CFAP20DC: variants seen among roughly 807,000 people sequenced by gnomAD.
The protein encoded by CFAP20DC is CFAP20 domain containing.
Under a neutral mutation model 101.7 loss-of-function variants are expected in CFAP20DC, and 84 were observed. The ratio of observed to expected loss-of-function variants is 0.83; its 90% confidence interval spans 0.69 to 0.99. The LOEUF (loss-of-function observed/expected upper bound fraction) is 0.99, where lower values mean the gene tolerates loss of function less well. Among genes scored for constraint, CFAP20DC ranks in the 50% least tolerant of loss-of-function variants. CFAP20DC has a pLI of 0.00. For synonymous variants in CFAP20DC, 359 were observed against 351.2 expected (o/e 1.02, Z -0.25); for missense variants, 1,007 against 970.3 (o/e 1.04, Z -0.50).
chr3:59,012,270 C>T (rs865848517), intron 4 of CFAP20DC, among the ~76,000 whole-genome samples: 1 of 152,118 alleles, frequency 6.6e-6, no homozygotes, highest in South Asian at 2.1e-4. Context: ...AAAAAGGGTA[C>T]AGAAGTGAAA....
chr3:58,998,616 G>C (rs920683021), intron 4 of CFAP20DC, among the ~76,000 whole-genome samples: 2 of 151,752 alleles, frequency 1.3e-5, no homozygotes, highest in Non-Finnish European at 2.9e-5. Flanking sequence ...TCCTATCTTT[G>C]TGGAGGAGGA....
intron 3 of CFAP20DC, among the ~76,000 whole-genome samples, chr3:59,044,160 C>A (rs1481976750): frequency 1.3e-5 from 2 of 152,040 alleles, no homozygotes; most frequent in Admixed American, 1.3e-4. Context: ...AATAGGGTAC[C>A]TAATGTCAAG....
intron 7 of CFAP20DC, among the ~76,000 whole-genome samples, chr3:58,873,448 G>A (rs1292363052): frequency 4.6e-5 from 7 of 151,050 alleles, no homozygotes; most frequent in Non-Finnish European, 7.4e-5. Context: ...TCTGGATGCT[G>A]TAAGGCAGGT....
At chr3:58,938,490 T>C (rs775508876) in intron 4 of CFAP20DC, among the ~76,000 whole-genome samples, 1 of 152,224 alleles carries the variant, frequency 6.6e-6, no homozygotes, top group African/African-American at 2.4e-5. Context: ...CACTGCTATA[T>C]TATAGAATTG....
At chr3:58,790,882 G>C in intron 15 of CFAP20DC, among the ~76,000 whole-genome samples, 1 of 152,256 alleles carries the variant, frequency 6.6e-6, no homozygotes, top group Middle Eastern at 3.4e-3. Context: ...TGTGAGACTA[G>C]AGGAGAAAAC....
chr3:59,039,930 A>C (rs772291331), intron 3 of CFAP20DC, among the ~76,000 whole-genome samples: 3 of 152,076 alleles, frequency 2.0e-5, no homozygotes, highest in Non-Finnish European at 4.4e-5. Context: ...GAGAATGTAC[A>C]CATAGAACTG....
At chr3:58,932,775 A>G (rs928508052) in intron 5 of CFAP20DC, among the ~76,000 whole-genome samples, 20 of 152,248 alleles carry the variant, frequency 1.3e-4, no homozygotes, top group Non-Finnish European at 2.5e-4. Context: ...TGAAGGAAGC[A>G]CTAAACATGG....
At chr3:58,935,353 G>A (rs1576378924) in intron 5 of CFAP20DC, among the ~76,000 whole-genome samples, 1 of 151,972 alleles carries the variant, frequency 6.6e-6, no homozygotes, top group East Asian at 1.9e-4. Context: ...ACTGCCCAAG[G>A]TAATTTATAG....
chr3:58,985,315 T>G (rs2092714114), intron 4 of CFAP20DC, among the ~76,000 whole-genome samples: 1 of 152,096 alleles, frequency 6.6e-6, no homozygotes, highest in Non-Finnish European at 1.5e-5. Context: ...TTCTGAAGTA[T>G]ATTCCTTCCT....
chr3:58,796,632 T>G (rs1217054533), intron 15 of CFAP20DC, among the ~76,000 whole-genome samples: 3 of 152,136 alleles, frequency 2.0e-5, no homozygotes, highest in African/African-American at 7.2e-5. Flanking sequence ...CAGCTTCAGG[T>G]TCTCTCTCTC....
intron 14 of CFAP20DC, among the ~76,000 whole-genome samples, chr3:58,814,310 T>C (rs2074935785): frequency 6.6e-6 from 1 of 151,944 alleles, no homozygotes; most frequent in Admixed American, 6.6e-5. Context: ...CCCTCCTTGC[T>C]TTAGACTAAA....
At chr3:58,749,390 C>T (rs568028530) in intron 16 of CFAP20DC, among the ~76,000 whole-genome samples, 15 of 152,290 alleles carry the variant, frequency 9.8e-5, no homozygotes, top group Non-Finnish European at 1.8e-4. Flanking sequence ...AGAGCTTTTA[C>T]CCACAGAACA....
At chr3:59,005,248 A>T (rs1183015124) in intron 4 of CFAP20DC, among the ~76,000 whole-genome samples, 3 of 152,190 alleles carry the variant, frequency 2.0e-5, no homozygotes, top group Non-Finnish European at 4.4e-5. Context: ...GAATGAAAAC[A>T]TGTGGAGCAG....
At position 58,894,561 on chromosome 3, in the gene CFAP20DC, C is replaced by T. The variant is rs137925351; in HGVS notation, c.551-9852G>A. On this transcript the variant is annotated intron_variant, in intron 6 of 16. Transcript: ENST00000482387. The surrounding 1 kb of genome is among the most constrained non-coding windows in gnomAD (Gnocchi z 4.1). ...CTTTGGCAGCTCCACCCCTGTGGCT[C>T]TGCAGGGTATAGTCCCCATCTTAGA... 4.5e-3 allele frequency among the ~76,000 whole-genome samples: 681 copies of T among 152,356 alleles called. 5 individuals carry two copies. The highest frequency in any genetic ancestry group is 0.016 in the African/African-American group (665 of 41,588).
chr3:59,020,088 A>G (rs1435286733), intron 4 of CFAP20DC, among the ~76,000 whole-genome samples: 1 of 152,100 alleles, frequency 6.6e-6, no homozygotes, highest in African/African-American at 2.4e-5. Flanking sequence ...TAATTTTGGA[A>G]AACATAGATA....
chr3:58,891,283 G>A (rs1051508559), intron 6 of CFAP20DC, among the ~76,000 whole-genome samples: 33 of 151,626 alleles, frequency 2.2e-4, no homozygotes, highest in African/African-American at 3.1e-4. Flanking sequence ...GCGTGGCGGC[G>A]CGTGCCTGCA....
chr3:58,881,404 G>A (rs561901234), intron 7 of CFAP20DC, among the ~76,000 whole-genome samples: 1 of 152,212 alleles, frequency 6.6e-6, no homozygotes, highest in South Asian at 2.1e-4. Flanking sequence ...TCCCATTAAT[G>A]AAAATAAGAT....
At chr3:58,928,267 T>G (rs2086202576) in intron 5 of CFAP20DC, among the ~76,000 whole-genome samples, 1 of 152,086 alleles carries the variant, frequency 6.6e-6, no homozygotes, top group African/African-American at 2.4e-5. Context: ...ATTATGAGGG[T>G]TATGAAATTG....
chr3:58,750,262 A>G (rs1284013382), intron 16 of CFAP20DC, among the ~76,000 whole-genome samples: 1 of 152,168 alleles, frequency 6.6e-6, no homozygotes, highest in Non-Finnish European at 1.5e-5. Flanking sequence ...CAGGCAGAGT[A>G]TATTTCCCTG....
Sources: allele counts gnomAD v4.1 joint callset (sites outside exome capture counted in the v4.1 genomes callset), GRCh38; gene constraint gnomAD v4.1.1; non-coding constraint Gnocchi (gnomAD v3.1); transcripts MANE v1.5; gene names NCBI Gene and HGNC (gene_info 2026-07-23, HGNC 2026-07-21).